SPEF2: variants seen among roughly 807,000 people sequenced by gnomAD.
SPEF2 encodes sperm flagellar and cilia associated 2.
SPEF2 carries 187 observed loss-of-function variants against 224.6 expected under a neutral mutation model. That is an observed-to-expected ratio of 0.83 (90% CI 0.74 to 0.94). The LOEUF (loss-of-function observed/expected upper bound fraction) is 0.94. Among genes scored for constraint, SPEF2 ranks in the 40% least tolerant of loss-of-function variants. The pLI, the probability that SPEF2 is intolerant of heterozygous loss-of-function variation, is 0.00. For missense variants in SPEF2, 2,170 were observed against 2,135.6 expected (o/e 1.02, Z -0.32); for synonymous variants, 715 against 707.3 (o/e 1.01, Z -0.17).
intron 2 of SPEF2, among the ~76,000 whole-genome samples, chr5:35,631,338 A>C (rs1202811905): frequency 1.3e-5 from 2 of 152,238 alleles, no homozygotes; most frequent in Admixed American, 1.3e-4. Flanking sequence ...GGGAGCTACA[A>C]GTTGAGATTT....
intron 20 of SPEF2, among the ~76,000 whole-genome samples, chr5:35,726,478 A>G (rs1331432237): frequency 1.3e-5 from 2 of 152,146 alleles, no homozygotes; most frequent in African/African-American, 2.4e-5. Flanking sequence ...TAAATTTTAT[A>G]TAATTTAGAT....
intron 2 of SPEF2, among the ~76,000 whole-genome samples, chr5:35,637,390 T>C (rs942561241): frequency 2.0e-5 from 3 of 152,188 alleles, no homozygotes; most frequent in Non-Finnish European, 2.9e-5. Context: ...ATTCATAATA[T>C]TTTAACCTGA....
chr5:35,808,752 AT>A (rs1396783559), intron 36 of SPEF2, among the ~76,000 whole-genome samples: 2 of 148,190 alleles, frequency 1.3e-5, no homozygotes, highest in Non-Finnish European at 3.0e-5. Flanking sequence ...ACACATATAT[AT>A]TTATATGTAT....
At chr5:35,640,759 G>C (rs1034627152) in intron 2 of SPEF2, among the ~76,000 whole-genome samples, 1 of 152,078 alleles carries the variant, frequency 6.6e-6, no homozygotes, top group African/African-American at 2.4e-5. Flanking sequence ...AGAGTTACTA[G>C]TACACAGAGG....
rs190335894 is a variant in SPEF2, at chr5:35,797,581, G to T, written c.4830+1786G>T. Reference sequence around the variant, plus strand: ...CTCTCTGGTGGGGCTGTTGTGCAGAGGGAGTTCCTGTGTGTGGTACTCTTG... The same window carrying T: ...CTCTCTGGTGGGGCTGTTGTGCAGATGGAGTTCCTGTGTGTGGTACTCTTG... On this transcript the variant is annotated intron_variant, in intron 33 of 36. Coordinates refer to ENST00000356031, the MANE Select transcript of SPEF2 (RefSeq NM_024867.4). 7.2e-5 allele frequency among the ~76,000 whole-genome samples: 11 copies of T among 152,162 alleles called. No homozygotes were observed. The East Asian group carries it at 1.4e-3, about 19-fold the overall frequency.
intron 36 of SPEF2, among the ~76,000 whole-genome samples, chr5:35,809,420 T>C (rs1002317152): frequency 2.6e-5 from 4 of 151,598 alleles, no homozygotes; most frequent in Non-Finnish European, 5.9e-5. Context: ...GTGGAGGGAG[T>C]CTGCCCAAGA....
intron 21 of SPEF2, among the ~76,000 whole-genome samples, chr5:35,733,307 G>A (rs1184993995): frequency 6.6e-6 from 1 of 151,978 alleles, no homozygotes; most frequent in Non-Finnish European, 1.5e-5. Flanking sequence ...GTAGAGATGG[G>A]GTTTTACCGT....
chr5:35,635,070 T>A (rs1745641132), intron 2 of SPEF2, among the ~76,000 whole-genome samples: 1 of 152,062 alleles, frequency 6.6e-6, no homozygotes, highest in African/African-American at 2.4e-5. Flanking sequence ...GATGTTTTTC[T>A]CATGATTAGA....
chr5:35,712,464 T>C (rs1189643528), intron 19 of SPEF2, among the ~76,000 whole-genome samples: 1 of 152,128 alleles, frequency 6.6e-6, no homozygotes, highest in Non-Finnish European at 1.5e-5. Context: ...CAAATCCAAA[T>C]ACAGCCATAT....
At chr5:35,660,580 A>T (rs1308371974) in intron 8 of SPEF2, among the ~76,000 whole-genome samples, 1 of 152,142 alleles carries the variant, frequency 6.6e-6, no homozygotes, top group Non-Finnish European at 1.5e-5. Flanking sequence ...ATACCCCATG[A>T]ATTTGAGCTG....
intron 7 of SPEF2, among the ~76,000 whole-genome samples, chr5:35,656,177 C>T (rs1017833988): frequency 1.4e-4 from 22 of 151,912 alleles, no homozygotes; most frequent in Admixed American, 3.9e-4. Flanking sequence ...TTGGGGTGGG[C>T]AGTGATTTCA....
chr5:35,691,440 G>C (rs1377104527), intron 11 of SPEF2, among the ~76,000 whole-genome samples, 184 bp downstream of exon 11: 1 of 152,180 alleles, frequency 6.6e-6, no homozygotes, highest in African/African-American at 2.4e-5. Context: ...GTGAAATATT[G>C]ATACATGCTA....
rs201136358 is a variant in SPEF2 at position 35,795,785 on chromosome 5, A to C, written c.4820A>C (p.His1607Pro). The C allele has an allele frequency of 6.2e-5, 100 of 1,611,560 alleles. No homozygotes were observed. In the African/African-American group the frequency reaches 1.2e-3, roughly 20 times the overall value. Residue 1607 changes from histidine to proline, a missense_variant, in exon 33 of 37, where the codon CAT becomes CCT. By Grantham distance (77) the His-to-Pro change is moderately conservative. Transcript: ENST00000356031. Reference sequence around the variant, plus strand: ...CCCCTTCCATTTAATAGGCAGGAGCATCTTATAGAGGTAATGACTGAGATC... The same window carrying C: ...CCCCTTCCATTTAATAGGCAGGAGCCTCTTATAGAGGTAATGACTGAGATC... ...LEPLPFNRQE[H>P]LIEFFFRLFA...
At chr5:35,758,567 GCT>G (rs1362530321) in intron 24 of SPEF2, among the ~76,000 whole-genome samples, 1 of 152,148 alleles carries the variant, frequency 6.6e-6, no homozygotes, top group Non-Finnish European at 1.5e-5. Context: ...CTTGCCACCA[GCT>G]CTTCTGGGTT....
intron 26 of SPEF2, among the ~76,000 whole-genome samples, chr5:35,767,592 T>A (rs1261190978): frequency 6.6e-6 from 1 of 151,834 alleles, no homozygotes. Flanking sequence ...ATTTAAAATA[T>A]CCAATCCAAA....
chr5:35,667,357 A>G, intron 9 of SPEF2, 98 bp downstream of exon 9: 1 of 1,102,240 alleles, frequency 9.1e-7, no homozygotes, highest in Non-Finnish European at 1.2e-6. Context: ...AAGAGAGATA[A>G]AAATGATTCA....
intron 23 of SPEF2, among the ~76,000 whole-genome samples, chr5:35,744,771 C>A (rs578176674): frequency 2.9e-4 from 44 of 152,050 alleles, no homozygotes; most frequent in Non-Finnish European, 5.4e-4. Context: ...AACAAACAAA[C>A]AAAAAAACTG....
At chr5:35,756,828 C>T (rs539866853) in intron 24 of SPEF2, among the ~76,000 whole-genome samples, 5 of 152,266 alleles carry the variant, frequency 3.3e-5, no homozygotes, top group African/African-American at 9.6e-5. Flanking sequence ...ATTTAGACAT[C>T]GAGATGCCCT....
In SPEF2 at chr5:35,800,082, C is replaced by T. The variant is rs971327978; in HGVS notation, c.4945C>T (p.Leu1649Phe). 2 of 1,614,130 alleles carry T rather than the reference C, an allele frequency of 1.2e-6. No homozygotes were observed. The highest frequency in any genetic ancestry group is 4.5e-5 in the East Asian group (2 of 44,876). Reference protein sequence around the residue: ...PDTVEGVYRALSVAVGTHVFQ... With the variant: ...PDTVEGVYRAFSVAVGTHVFQ... ...CACCGTGGAAGGAGTCTACAGGGCC[C>T]TCAGTGTGGCTGTTGGAACTCATGT... is the stretch of plus-strand genomic sequence containing the variant. Residue 1649 changes from leucine (L) to phenylalanine (F), a missense_variant, in exon 34 of 37, where the codon CTC becomes TTC. Leu to Phe is a conservative substitution (Grantham distance 22). Transcript: ENST00000356031.
Sources: allele counts gnomAD v4.1 joint callset (sites outside exome capture counted in the v4.1 genomes callset), GRCh38; gene constraint gnomAD v4.1.1; transcripts MANE v1.5; gene names NCBI Gene and HGNC (gene_info 2026-07-23, HGNC 2026-07-21).